Variants in TNS4 observed in about 807,000 individuals in gnomAD.
The protein encoded by TNS4 is tensin-4.
In TNS4, 46 loss-of-function variants were observed where a neutral mutation model predicts 70.4. The observed-to-expected ratio is 0.65, with a 90% CI of 0.52 to 0.84. The LOEUF (loss-of-function observed/expected upper bound fraction) is 0.84, where lower values mean the gene tolerates loss of function less well. Among genes scored for constraint, TNS4 ranks in the 40% least tolerant of loss-of-function variants. The probability of loss-of-function intolerance (pLI) is 0.00; values close to 1 mark genes in which losing one functional copy is unlikely to be tolerated. For missense variants in TNS4, 863 were observed against 907.0 expected (o/e 0.95, Z 0.62); for synonymous variants, 390 against 366.6 (o/e 1.06, Z -0.73).
At position 40,477,534 on chromosome 17, in the gene TNS4, G is replaced by A. The variant is rs2035863585; in HGVS notation, c.*54C>T. The A allele has an allele frequency of 5.6e-6, 9 of 1,602,730 alleles. No homozygotes were observed. On this transcript the variant is annotated 3_prime_UTR_variant, in exon 13 of 13. Transcript: ENST00000254051. ...CACACCCATTCAGGGGGTGGAGGGG[G>A]GCTCCTTAGCGAGCCCCTGGAGGTG...
At chr17:40,481,677 A>G (rs966545603) in intron 8 of TNS4, among the ~76,000 whole-genome samples, 17 of 152,148 alleles carry the variant, frequency 1.1e-4, no homozygotes, top group Admixed American at 1.1e-3. Flanking sequence ...TTATTTTCTT[A>G]TCTGTGAAAT....
At chr17:40,480,998 C>T in intron 8 of TNS4, 1 of 522,192 alleles carries the variant, frequency 1.9e-6, no homozygotes, top group East Asian at 3.7e-5. Flanking sequence ...CCTCCTCGCC[C>T]CCCCACCTCT....
At chr17:40,497,102 C>G (rs7221799) in intron 1 of TNS4, among the ~76,000 whole-genome samples, 129,264 of 152,158 alleles carry the variant, frequency 0.85, 56,640 homozygotes, top group East Asian at 0.98. Context: ...GCACTTGGGC[C>G]GGTTGGTGAA....
At chr17:40,480,490 C>A (rs569473147) in intron 9 of TNS4, among the ~76,000 whole-genome samples, 2 of 152,076 alleles carry the variant, frequency 1.3e-5, no homozygotes, top group African/African-American at 4.8e-5. Flanking sequence ...CCCCACCCTG[C>A]CCCACTTCCC....
rs724159930 is a variant in TNS4, at chr17:40,477,595, C to A, written c.2141G>T (p.Arg714Met). The A allele has an allele frequency of 6.2e-7, 1 of 1,613,992 alleles. No individual in the cohort carries two copies. The highest frequency in any genetic ancestry group is 1.7e-5 in the Admixed American group (1 of 60,000). ...LVTALLQDAE[R>M]M ...GCACAGGCAGTCTCTCCCCTACATC[C>A]TTTCTGCGTCCTGCAGCAGAGCAGT... is the stretch of plus-strand genomic sequence containing the variant. The change falls in exon 13 of 13, where the codon AGG becomes ATG. Residue 714 changes from arginine (R) to methionine (M), a missense_variant. Physicochemically the swap from Arg to Met is moderately conservative, Grantham distance 91 (BLOSUM62 -1). Transcript: ENST00000254051.
intron 11 of TNS4, 120 bp downstream of exon 11, chr17:40,478,459 AC>A: frequency 6.6e-7 from 1 of 1,526,094 alleles, no homozygotes; most frequent in South Asian, 1.2e-5. Context: ...TCATTCTGTC[AC>A]CCTGACCCCT....
Position 40,496,027 on chromosome 17 carries a change from G to A in TNS4, c.399C>T (p.Ser133=). 1 of 1,613,426 alleles carries A rather than the reference G, an allele frequency of 6.2e-7. No homozygotes were observed. Among genetic ancestry groups the A allele is most frequent in the Non-Finnish European group, 8.5e-7 (1 of 1,179,784 alleles). Residue 133 remains serine (S), a synonymous_variant, in exon 2 of 13, where the codon AGC becomes AGT. Transcript: ENST00000254051. ...TGGSQAELAQ[S]TMSMRKKEES... ...CCTCCTTCTTTCTCATTGACATGGT[G>A]CTCTGGGCCAGCTCAGCCTGGGAGC... is the stretch of plus-strand genomic sequence containing the variant.
intron 9 of TNS4, 84 bp downstream of exon 9, chr17:40,480,616 G>C: frequency 7.7e-7 from 1 of 1,304,136 alleles, no homozygotes; most frequent in South Asian, 1.8e-5. Context: ...GCGTGTGTGC[G>C]TGCATGCGTG....
intron 8 of TNS4, among the ~76,000 whole-genome samples, chr17:40,481,657 C>T (rs989822178): frequency 4.6e-5 from 7 of 152,264 alleles, no homozygotes; most frequent in African/African-American, 9.6e-5. Context: ...TGAGTCACCA[C>T]GCCCAGCCCT....
intron 2 of TNS4, 90 bp from the exon 3 acceptor site, chr17:40,489,059 T>TC: frequency 1.6e-6 from 2 of 1,243,844 alleles, no homozygotes; most frequent in Non-Finnish European, 2.2e-6. Context: ...GGTCATTCTG[T>TC]CCCCCCTCTT....
At chr17:40,484,211 C>T (rs769714935) in intron 6 of TNS4, among the ~76,000 whole-genome samples, 1 of 152,186 alleles carries the variant, frequency 6.6e-6, no homozygotes, top group African/African-American at 2.4e-5. Flanking sequence ...GGCTAGGACC[C>T]TCCTCCTTCT....
At chr17:40,478,814 C>T (rs1451648300) in intron 10 of TNS4, among the ~76,000 whole-genome samples, 166 bp from the exon 11 acceptor site, 1 of 152,210 alleles carries the variant, frequency 6.6e-6, no homozygotes, top group Admixed American at 6.5e-5. Context: ...GGCCCTGGCG[C>T]CCCGCTCCTG....
chr17:40,500,226 T>C (rs2036194537), intron 1 of TNS4, among the ~76,000 whole-genome samples: 1 of 152,182 alleles, frequency 6.6e-6, no homozygotes, highest in African/African-American at 2.4e-5. Context: ...CTGCCCCTTC[T>C]GGGATTCTGG....
Position 40,477,536 on chromosome 17 carries a change from C to A in TNS4, c.*52G>T. Reference sequence around the variant, plus strand: ...CACCCATTCAGGGGGTGGAGGGGGGCTCCTTAGCGAGCCCCTGGAGGTGTT... The same window carrying A: ...CACCCATTCAGGGGGTGGAGGGGGGATCCTTAGCGAGCCCCTGGAGGTGTT... On this transcript the variant is annotated 3_prime_UTR_variant, in exon 13 of 13. Coordinates refer to ENST00000254051, the MANE Select transcript of TNS4 (RefSeq NM_032865.6). 6.2e-7 allele frequency: 1 copy of A among 1,603,152 alleles called. No individual in the cohort carries two copies. The highest frequency in any genetic ancestry group is 8.5e-7 in the Non-Finnish European group (1 of 1,173,650).
At chr17:40,480,639 G>T in intron 9 of TNS4, 61 bp downstream of exon 9, 3 of 1,445,336 alleles carry the variant, frequency 2.1e-6, no homozygotes, top group Non-Finnish European at 2.7e-6. Context: ...TGTGTGCAGG[G>T]TTGGGAGGTG....
intron 3 of TNS4, among the ~76,000 whole-genome samples, chr17:40,488,328 G>C (rs1297792599): frequency 6.6e-6 from 1 of 151,794 alleles, no homozygotes; most frequent in Non-Finnish European, 1.5e-5. Context: ...TTTACCAAAA[G>C]GTAGCTATAA....
chr17:40,485,019 C>G lies in TNS4; in HGVS notation c.1289-12G>C. The G allele has an allele frequency of 6.2e-7, 1 of 1,613,516 alleles. No homozygotes were observed. The highest frequency in any genetic ancestry group is 1.1e-5 in the South Asian group (1 of 91,070). ...GTCCCTGGCGGGACCTGGAGACAGA[C>G]AGAGAAGGGGGACCCTGTAGGCTGG... is the stretch of plus-strand genomic sequence containing the variant. On this transcript the variant is annotated splice_polypyrimidine_tract_variant and intron_variant, in intron 4 of 12. Coordinates refer to ENST00000254051, the MANE Select transcript of TNS4 (RefSeq NM_032865.6).
At chr17:40,477,802 G>T in intron 12 of TNS4, 73 bp from the exon 13 acceptor site, 1 of 1,441,176 alleles carries the variant, frequency 6.9e-7, no homozygotes, top group South Asian at 1.2e-5. Flanking sequence ...TGGGGTGGTG[G>T]GGGGCCCTCA....
intron 2 of TNS4, among the ~76,000 whole-genome samples, chr17:40,489,479 T>C (rs1315233447): frequency 6.6e-6 from 1 of 152,144 alleles, no homozygotes; most frequent in African/African-American, 2.4e-5. Context: ...CCAGTGACAC[T>C]TTCTGATGCC....
Sources: gnomAD v4.1 joint callset for allele counts (sites outside exome capture counted in the v4.1 genomes callset) on GRCh38, gnomAD v4.1.1 for gene constraint, MANE v1.5 for transcripts, NCBI Gene and HGNC (gene_info 2026-07-23, HGNC 2026-07-21) for gene names.